ATAD2: variants seen among roughly 807,000 people sequenced by gnomAD.
ATAD2 encodes the protein ATPase family AAA domain containing 2.
ATAD2 carries 62 observed loss-of-function variants against 168.9 expected under a neutral mutation model. The ratio of observed to expected loss-of-function variants is 0.37; its 90% confidence interval spans 0.30 to 0.45. The LOEUF (loss-of-function observed/expected upper bound fraction) is 0.45. Among genes scored for constraint, ATAD2 ranks in the 20% least tolerant of loss-of-function variants. The pLI is 1.00. For missense variants in ATAD2, 1,419 were observed against 1,667.8 expected (o/e 0.85, Z 2.60); for synonymous variants, 613 against 571.6 (o/e 1.07, Z -1.03).
At chr8:123,403,246 A>C (rs979947529) in intron 1 of ATAD2, among the ~76,000 whole-genome samples, 2 of 151,594 alleles carry the variant, frequency 1.3e-5, no homozygotes, top group African/African-American at 4.8e-5. Flanking sequence ...CTACAGGGGT[A>C]CACCTCTGCT....
intron 19 of ATAD2, among the ~76,000 whole-genome samples, chr8:123,340,506 T>C (rs1426381892): frequency 6.6e-6 from 1 of 152,186 alleles, no homozygotes; most frequent in Non-Finnish European, 1.5e-5. Flanking sequence ...AAATGAGTAT[T>C]TGTACTCCAG....
intron 1 of ATAD2, among the ~76,000 whole-genome samples, chr8:123,403,288 C>A (rs781674114): frequency 2.0e-5 from 3 of 151,900 alleles, no homozygotes; most frequent in Non-Finnish European, 2.9e-5. Context: ...TTCGTGGAGA[C>A]GGGGTTTTGC....
At chr8:123,394,207 C>G (rs923503089) in intron 1 of ATAD2, among the ~76,000 whole-genome samples, 5 of 152,250 alleles carry the variant, frequency 3.3e-5, no homozygotes, top group African/African-American at 1.2e-4. Flanking sequence ...TCCTTACATA[C>G]ATGATCACAT....
chr8:123,355,404 G>C (rs1350585593), intron 13 of ATAD2, among the ~76,000 whole-genome samples: 9 of 152,042 alleles, frequency 5.9e-5, no homozygotes, highest in Admixed American at 5.9e-4. Context: ...CATTTAAAAA[G>C]AAGTTCTAAA....
chr8:123,382,393 A>G (rs1044675306), intron 1 of ATAD2, among the ~76,000 whole-genome samples: 1 of 152,222 alleles, frequency 6.6e-6, no homozygotes, highest in African/African-American at 2.4e-5. Context: ...CAATGTACCT[A>G]TATTTGAGGA....
At chr8:123,329,489 G>A (rs1161982437) in intron 24 of ATAD2, among the ~76,000 whole-genome samples, 1 of 152,014 alleles carries the variant, frequency 6.6e-6, no homozygotes, top group Non-Finnish European at 1.5e-5. Flanking sequence ...CTGGCTGGGC[G>A]CGGTGGCTCA....
chr8:123,340,077 A>G (rs767175020), intron 19 of ATAD2, among the ~76,000 whole-genome samples: 1 of 151,966 alleles, frequency 6.6e-6, no homozygotes, highest in Non-Finnish European at 1.5e-5. Context: ...TTTTGTAGAG[A>G]TAGGGTCTCC....
chr8:123,334,399 G>A, intron 22 of ATAD2, 77 bp from the exon 23 acceptor site: 2 of 1,271,848 alleles, frequency 1.6e-6, no homozygotes, highest in East Asian at 2.6e-5. Flanking sequence ...AGCATATTAG[G>A]CTAAGATAGT....
chr8:123,396,155 G>T, intron 1 of ATAD2, 32 bp downstream of exon 1: 2 of 1,530,484 alleles, frequency 1.3e-6, no homozygotes, highest in Non-Finnish European at 1.7e-6. Flanking sequence ...CCCGGGAACC[G>T]CCCTGGGAGC....
At chr8:123,349,791 A>T (rs1828388555) in intron 13 of ATAD2, among the ~76,000 whole-genome samples, 1 of 151,836 alleles carries the variant, frequency 6.6e-6, no homozygotes, top group African/African-American at 2.4e-5. Flanking sequence ...GTAACCCCAG[A>T]ACTTGGGGGC....
intron 1 of ATAD2, among the ~76,000 whole-genome samples, chr8:123,391,048 G>C (rs757359384): frequency 7.9e-5 from 12 of 151,290 alleles, no homozygotes; most frequent in African/African-American, 2.9e-4. Context: ...CAAAAGTAAT[G>C]TACGATCATC....
intron 6 of ATAD2, 112 bp from the exon 7 acceptor site, chr8:123,370,136 T>TAA (rs563477611): frequency 1.2e-3 from 750 of 620,154 alleles, no homozygotes; most frequent in South Asian, 3.1e-3. Context: ...TATCTACTCC[T>TAA]AAAAAAAAAA....
chr8:123,363,418 T>C (rs1828879388), intron 8 of ATAD2, among the ~76,000 whole-genome samples: 1 of 152,222 alleles, frequency 6.6e-6, no homozygotes, highest in Non-Finnish European at 1.5e-5. Context: ...TTGTGTGTTA[T>C]CTGTAAATCC....
At chr8:123,330,158 TTTTG>T (rs1827737253) in intron 24 of ATAD2, among the ~76,000 whole-genome samples, 1 of 151,556 alleles carries the variant, frequency 6.6e-6, no homozygotes, top group Non-Finnish European at 1.5e-5. Context: ...CTGGCCAGTG[TTTTG>T]TTTGTTTTTT....
chr8:123,361,789 T>C, intron 8 of ATAD2, 143 bp from the exon 9 acceptor site: 2 of 571,984 alleles, frequency 3.5e-6, no homozygotes, highest in Non-Finnish European at 6.1e-6. Flanking sequence ...ATAAACTTTG[T>C]TCGCTGAATC....
chr8:123,342,725 T>G (rs1827710375), intron 19 of ATAD2, among the ~76,000 whole-genome samples: 1 of 152,186 alleles, frequency 6.6e-6, no homozygotes, highest in South Asian at 2.1e-4. Flanking sequence ...ACTTGGAGGT[T>G]CTGTAATCAA....
At chr8:123,370,136 TAA>T (rs563477611) in intron 6 of ATAD2, 112 bp from the exon 7 acceptor site, 839 of 617,454 alleles carry the variant, frequency 1.4e-3, no homozygotes, top group South Asian at 2.4e-3. Flanking sequence ...TATCTACTCC[TAA>T]AAAAAAAAAA....
chr8:123,404,627 C>T (rs1460829566), intron 1 of ATAD2, among the ~76,000 whole-genome samples: 11 of 150,434 alleles, frequency 7.3e-5, no homozygotes, highest in Admixed American at 4.0e-4. Flanking sequence ...AGTGCAGTGG[C>T]GCGATCTTGG....
Position 123,336,428 on chromosome 8 carries a change from A to G in ATAD2, c.3156T>C (p.Asp1052=), listed in dbSNP as rs1827913902. 2 of 1,585,524 alleles carry G rather than the reference A, an allele frequency of 1.3e-6. No homozygotes were observed. Among genetic ancestry groups the G allele is most frequent in the African/African-American group, 1.4e-5 (1 of 73,112 alleles). Residue 1052 remains aspartate (D), a synonymous_variant, in exon 22 of 28, where the codon GAT becomes GAC. Coordinates refer to ENST00000287394, the MANE Select transcript of ATAD2 (RefSeq NM_014109.4). ...KYLTVKDYLR[D]IDLICSNALE... ...AGGCATTACTACAGATTAGATCAAT[A>G]TCTCTCAAATAGTCTTTCACAGTCA... is the stretch of plus-strand genomic sequence containing the variant.
Sources: gnomAD v4.1 joint callset for allele counts (sites outside exome capture counted in the v4.1 genomes callset) on GRCh38, gnomAD v4.1.1 for gene constraint, MANE v1.5 for transcripts, NCBI Gene and HGNC (gene_info 2026-07-23, HGNC 2026-07-21) for gene names.